The following PHLDB2 variants were observed in gnomAD, a reference collection of about 807,000 sequenced individuals.
PHLDB2 encodes pleckstrin homology-like domain family B member 2.
A neutral mutation model predicts 123.6 loss-of-function variants in PHLDB2; 71 were observed. The observed-to-expected ratio is 0.57, with a 90% CI of 0.47 to 0.70. PHLDB2 has a LOEUF of 0.70. Among genes scored for constraint, PHLDB2 ranks in the 30% least tolerant of loss-of-function variants. PHLDB2 has a pLI of 0.00. For missense variants in PHLDB2, 1,446 were observed against 1,519.5 expected, an observed-to-expected ratio of 0.95 and a Z score of 0.80; for synonymous variants, 547 against 541.6, an observed-to-expected ratio of 1.01 and a Z score of -0.14.
chr3:111,732,792 G>T, intron 1 of PHLDB2: 5 of 1,164,706 alleles, frequency 4.3e-6, no homozygotes, highest in Non-Finnish European at 6.1e-6. Flanking sequence ...TTTCTGAGGA[G>T]GGTCTGCTGG....
At chr3:111,783,118 G>A (rs546416039) in intron 1 of PHLDB2, among the ~76,000 whole-genome samples, 71 of 152,058 alleles carry the variant, frequency 4.7e-4, no homozygotes, top group South Asian at 1.7e-3. Flanking sequence ...TGCTCAACAT[G>A]ACTATTTCTA....
intron 5 of PHLDB2, among the ~76,000 whole-genome samples, chr3:111,931,619 TC>T (rs2069153874): frequency 6.6e-6 from 1 of 152,198 alleles, no homozygotes; most frequent in African/African-American, 2.4e-5. Context: ...GCCTATGCCT[TC>T]CCTTCACTGC....
chr3:111,792,202 A>G (rs2108202624), intron 1 of PHLDB2, among the ~76,000 whole-genome samples: 1 of 152,348 alleles, frequency 6.6e-6, no homozygotes, highest in African/African-American at 2.4e-5. Flanking sequence ...TCTAGTGGTG[A>G]CAAATATCTT....
At chr3:111,773,189 C>G (rs979635156) in intron 1 of PHLDB2, among the ~76,000 whole-genome samples, 1 of 152,152 alleles carries the variant, frequency 6.6e-6, no homozygotes, top group Admixed American at 6.5e-5. Context: ...CCACTTTTAG[C>G]AGAATTATCA....
chr3:111,739,571 GT>G (rs1329620851), intron 1 of PHLDB2, among the ~76,000 whole-genome samples: 1 of 116,036 alleles, frequency 8.6e-6, no homozygotes. Context: ...CTCTTCTGAA[GT>G]TAAAAAAAAA....
chr3:111,953,886 T>G (rs1299803261), intron 11 of PHLDB2, 44 bp from the exon 12 acceptor site: 1 of 1,504,420 alleles, frequency 6.6e-7, no homozygotes, highest in Non-Finnish European at 9.2e-7. Context: ...AAAGGTCCAT[T>G]CAGCCTGCAG....
intron 2 of PHLDB2, among the ~76,000 whole-genome samples, chr3:111,909,482 C>T (rs944937969): frequency 6.6e-6 from 1 of 152,050 alleles, no homozygotes; most frequent in African/African-American, 2.4e-5. Context: ...CTGGAGTCCC[C>T]GCTACTCTGG....
At chr3:111,855,380 G>T (rs2064436588), upstream of PHLDB2, among the ~76,000 whole-genome samples, 1 of 147,708 alleles carries the variant, frequency 6.8e-6, no homozygotes, top group South Asian at 2.1e-4. Context: ...CCAGGAAATA[G>T]AAAAGGTAGA....
chr3:111,788,800 G>T (rs2060794552), intron 1 of PHLDB2, among the ~76,000 whole-genome samples: 1 of 152,116 alleles, frequency 6.6e-6, no homozygotes, highest in Non-Finnish European at 1.5e-5. Flanking sequence ...TATTTTATGT[G>T]TGGCCCAAGA....
rs530926997 is a variant in PHLDB2 at position 111,756,884 on chromosome 3, A to G, written c.-49+24181A>G. 1.8e-3 allele frequency among the ~76,000 whole-genome samples: 280 copies of G among 152,032 alleles called. 1 individual carries two copies. The highest frequency in any genetic ancestry group is 6.4e-3 in the African/African-American group (267 of 41,484). ...CTCAGCATTTGCTTGTCTGTAAAGT[A>G]TTTTATTTCTCCTTCACTTATGAAG... On this transcript the variant is annotated intron_variant, in intron 1 of 17. Coordinates refer to the PHLDB2 transcript ENST00000393923.
At chr3:111,859,969 C>T in intron 1 of PHLDB2, 12 of 931,458 alleles carry the variant, frequency 1.3e-5, no homozygotes, top group Non-Finnish European at 1.5e-5. Flanking sequence ...GCCCAGGCTG[C>T]GCAGCTGGGT....
intron 2 of PHLDB2, among the ~76,000 whole-genome samples, chr3:111,903,427 G>C (rs2067314712): frequency 6.6e-6 from 1 of 152,200 alleles, no homozygotes; most frequent in Non-Finnish European, 1.5e-5. Flanking sequence ...GCAGAGCTCT[G>C]TTGCCAGGGG....
At chr3:111,769,499 C>A (rs1282941914) in intron 1 of PHLDB2, among the ~76,000 whole-genome samples, 1 of 152,160 alleles carries the variant, frequency 6.6e-6, no homozygotes, top group Non-Finnish European at 1.5e-5. Context: ...CTCATCTGAA[C>A]AGTTTGTAGC....
At chr3:111,916,171 T>C (rs1045408510) in intron 3 of PHLDB2, 2 of 152,168 alleles carry the variant, frequency 1.3e-5, no homozygotes, top group Non-Finnish European at 2.9e-5. Flanking sequence ...CGTGTAATTG[T>C]GGAATAGGAG....
chr3:111,934,446 T>C (rs145577910), intron 6 of PHLDB2, among the ~76,000 whole-genome samples: 1 of 152,288 alleles, frequency 6.6e-6, no homozygotes, highest in African/African-American at 2.4e-5. Context: ...TAAAGTTTGT[T>C]TTATTATAAA....
At chr3:111,734,301 C>T (rs1280280715) in intron 1 of PHLDB2, among the ~76,000 whole-genome samples, 3 of 152,134 alleles carry the variant, frequency 2.0e-5, no homozygotes, top group Non-Finnish European at 4.4e-5. Context: ...TTGGCTAGGT[C>T]GGGCATGGCA....
chr3:111,939,079 A>G (rs1300147291), intron 6 of PHLDB2, among the ~76,000 whole-genome samples: 1 of 152,136 alleles, frequency 6.6e-6, no homozygotes, highest in East Asian at 1.9e-4. Context: ...AAGTGCTGGG[A>G]TTACATGCAT....
rs67765854 is a variant in PHLDB2 at position 111,935,500 on chromosome 3, A to AAGATAGATAGATAGAT, written c.2130+3131_2130+3146dup. The stretch of plus-strand genomic sequence containing the variant: ...GAACTAATATGATATATGTGTATAT[A>AAGATAGATAGATAGAT]AGATAGATAGATAGATAGATAGATA... On this transcript the variant is annotated intron_variant, in intron 6 of 17. Transcript: ENST00000431670. Among the ~76,000 whole-genome samples, 377 of 145,748 alleles carry AAGATAGATAGATAGAT rather than the reference A, an allele frequency of 2.6e-3. 4 individuals are homozygous for AAGATAGATAGATAGAT. Among genetic ancestry groups the AAGATAGATAGATAGAT allele is most frequent in the East Asian group, 7.4e-3 (36 of 4,840 alleles).
At chr3:111,910,910 A>G (rs2067848552) in intron 2 of PHLDB2, among the ~76,000 whole-genome samples, 1 of 152,226 alleles carries the variant, frequency 6.6e-6, no homozygotes, top group African/African-American at 2.4e-5. Flanking sequence ...CGTGGGCAGC[A>G]GTGCTGCATG....
Sources: allele counts gnomAD v4.1 joint callset (sites outside exome capture counted in the v4.1 genomes callset), GRCh38; gene constraint gnomAD v4.1.1; transcripts MANE v1.5; gene names NCBI Gene and HGNC (gene_info 2026-07-23, HGNC 2026-07-21).